CFAP47: variants seen among roughly 807,000 people sequenced by gnomAD.
The protein encoded by CFAP47 is cilia- and flagella-associated protein 47.
A neutral mutation model predicts 148.1 loss-of-function variants in CFAP47; 29 were observed. That is an observed-to-expected ratio of 0.20 (90% CI 0.15 to 0.27). The LOEUF (loss-of-function observed/expected upper bound fraction) is 0.27, where lower values mean the gene tolerates loss of function less well. CFAP47 is among the 10% of genes least tolerant of loss of function. The probability of loss-of-function intolerance (pLI) is 1.00; values close to 1 mark genes in which losing one functional copy is unlikely to be tolerated. For missense variants in CFAP47, 1,872 were observed against 1,697.5 expected (o/e 1.10, Z -1.81); for synonymous variants, 664 against 577.3 (o/e 1.15, Z -2.15).
intron 1 of CFAP47, 68 bp downstream of exon 1, chrX:35,920,116 G>GC (rs1420491209): frequency 3.7e-6 from 4 of 1,080,455 alleles, no homozygotes; most frequent in Non-Finnish European, 4.9e-6. Flanking sequence ...GTCTCTCTTT[G>GC]CCCCAGGGAG....
At chrX:36,072,277 T>A (rs977541437) in intron 28 of CFAP47, among the ~76,000 whole-genome samples, 4 of 112,091 alleles carry the variant, frequency 3.6e-5, no homozygotes, top group African/African-American at 6.5e-5. Flanking sequence ...AGAGTAGTAC[T>A]TATGTGCTGT....
At chrX:36,236,576 T>A in intron 47 of CFAP47, 110 bp from the exon 48 acceptor site, 1 of 425,275 alleles carries the variant, frequency 2.4e-6, no homozygotes, top group Non-Finnish European at 4.1e-6. Flanking sequence ...GGCTAACACC[T>A]CTCTACAAGC....
chrX:36,268,806 T>C (rs1307393692), intron 49 of CFAP47, among the ~76,000 whole-genome samples: 2 of 111,973 alleles, frequency 1.8e-5, no homozygotes, highest in African/African-American at 6.5e-5. Flanking sequence ...ATCTCAGATA[T>C]AGCAGTTACA....
chrX:36,154,254 T>C (rs1939341134), intron 37 of CFAP47, among the ~76,000 whole-genome samples: 1 of 112,443 alleles, frequency 8.9e-6, no homozygotes, highest in African/African-American at 3.2e-5. Context: ...ATCCACACCT[T>C]TAACACTTTC....
At chrX:36,260,716 G>A (rs1236180171) in intron 49 of CFAP47, among the ~76,000 whole-genome samples, 3 of 111,858 alleles carry the variant, frequency 2.7e-5, no homozygotes, top group African/African-American at 6.5e-5. Context: ...ATTAGGTCCC[G>A]CTTGTCTGTT....
intron 52 of CFAP47, among the ~76,000 whole-genome samples, chrX:36,299,720 C>G (rs1941279687): frequency 9.0e-6 from 1 of 111,584 alleles, no homozygotes; most frequent in African/African-American, 3.3e-5. Context: ...CTTCTGAGTT[C>G]AATTTTTAAA....
chrX:35,923,908 T>C (rs1336951423), intron 1 of CFAP47, among the ~76,000 whole-genome samples: 4 of 77,384 alleles, frequency 5.2e-5, no homozygotes, highest in East Asian at 3.4e-4. Context: ...TATATGTACA[T>C]GTGTATATAT....
At chrX:36,057,337 T>C (rs1312484544) in intron 26 of CFAP47, among the ~76,000 whole-genome samples, 2 of 112,030 alleles carry the variant, frequency 1.8e-5, no homozygotes, top group African/African-American at 3.2e-5. Flanking sequence ...AGAGTGGTGG[T>C]TGTTAGAATG....
chrX:36,168,196 G>A (rs1211973126), intron 39 of CFAP47, among the ~76,000 whole-genome samples: 2 of 111,478 alleles, frequency 1.8e-5, no homozygotes, highest in African/African-American at 6.5e-5. Flanking sequence ...CTGTAATCTA[G>A]TAGATTTTAT....
chrX:36,066,862 C>T (rs936644386), intron 27 of CFAP47, among the ~76,000 whole-genome samples: 3 of 111,445 alleles, frequency 2.7e-5, no homozygotes, highest in Admixed American at 9.5e-5. Context: ...ACTCAACTTC[C>T]CAGGGAGAAG....
intron 29 of CFAP47, among the ~76,000 whole-genome samples, chrX:36,080,654 A>G (rs1937959807): frequency 9.0e-6 from 1 of 111,616 alleles, no homozygotes; most frequent in African/African-American, 3.3e-5. Flanking sequence ...GCTGGAAACC[A>G]TCATTCTGAG....
chrX:36,202,024 T>C (rs1191450594), intron 44 of CFAP47, among the ~76,000 whole-genome samples: 1 of 111,081 alleles, frequency 9.0e-6, no homozygotes, highest in Non-Finnish European at 1.9e-5. Flanking sequence ...TTTTTTTATA[T>C]GGAGATATTG....
chrX:36,085,472 T>C lies in CFAP47; in HGVS notation c.4850T>C (p.Val1617Ala). 1.7e-6 allele frequency: 2 copies of C among 1,207,628 alleles called. No individual in the cohort carries two copies. Among genetic ancestry groups the C allele is most frequent in the Non-Finnish European group, 2.2e-6 (2 of 892,768 alleles). ...ATTAATTCAAGTCAATCTTTACCTG[T>C]AGATAACCATGAAAAAAGGGTAATT... ...PGINSSQSLPVDNHEKRVIQL... is the reference protein window; with the variant it reads ...PGINSSQSLPADNHEKRVIQL... Residue 1617 changes from valine to alanine, a missense_variant, in exon 30 of 64, where the codon GTA becomes GCA. By Grantham distance (64) the Val-to-Ala change is moderately conservative. Transcript: ENST00000378653.
At chrX:36,138,175 C>T in intron 34 of CFAP47, 120 bp downstream of exon 34, 1 of 552,053 alleles carries the variant, frequency 1.8e-6, no homozygotes, top group Non-Finnish European at 2.7e-6. Flanking sequence ...AGTCAAACAC[C>T]TGAATCTGCA....
intron 3 of CFAP47, among the ~76,000 whole-genome samples, chrX:35,944,646 A>G (rs939918115): frequency 8.9e-6 from 1 of 111,992 alleles, no homozygotes; most frequent in African/African-American, 3.2e-5. Flanking sequence ...GAATCTGGTT[A>G]CCCTGGCTTG....
chrX:35,953,512 T>G, intron 6 of CFAP47, 80 bp from the exon 7 acceptor site: 1 of 726,255 alleles, frequency 1.4e-6, no homozygotes, highest in South Asian at 3.6e-5. Flanking sequence ...GATTTAAAGA[T>G]TGGATTGATA....
chrX:36,110,300 G>A (rs889061162), intron 33 of CFAP47, among the ~76,000 whole-genome samples: 1 of 111,603 alleles, frequency 9.0e-6, no homozygotes, highest in African/African-American at 3.3e-5. Context: ...TATAGTGTAA[G>A]GAAGGGGTCC....
chrX:36,231,452 A>G (rs1940358701), intron 46 of CFAP47, among the ~76,000 whole-genome samples: 1 of 109,561 alleles, frequency 9.1e-6, no homozygotes, highest in African/African-American at 3.3e-5. Context: ...TGATTTTTGT[A>G]CATTGATTTT....
Position 35,960,103 on chromosome X carries a change from C to CT in CFAP47, c.1410+3916dup, listed in dbSNP as rs770699682. Among the ~76,000 whole-genome samples, 714 of 104,454 alleles carry CT rather than the reference C, an allele frequency of 6.8e-3. 4 individuals carry two copies. The highest frequency in any genetic ancestry group is 0.024 in the Middle Eastern group (5 of 209). The allele number at this position is 104,454 out of a possible 115,157, so 90.7% of individuals were successfully genotyped here. On this transcript the variant is annotated intron_variant, in intron 8 of 63. Transcript: ENST00000378653. The stretch of plus-strand genomic sequence containing the variant: ...TACTACAATATATTAATTACTGTAG[C>CT]TTTTTTTTTCTTTTTTTCGAGACAA...
Sources: allele counts gnomAD v4.1 joint callset (sites outside exome capture counted in the v4.1 genomes callset), GRCh38; gene constraint gnomAD v4.1.1; transcripts MANE v1.5; gene names NCBI Gene and HGNC (gene_info 2026-07-23, HGNC 2026-07-21).